CHST9: variants seen among roughly 807,000 people sequenced by gnomAD.
The protein encoded by CHST9 is carbohydrate sulfotransferase 9.
In CHST9, 41 loss-of-function variants were observed where a neutral mutation model predicts 44.4. The ratio of observed to expected loss-of-function variants is 0.92; its 90% CI spans 0.72 to 1.20. The LOEUF is 1.20. Among genes scored for constraint, CHST9 ranks in the 50% most tolerant of loss-of-function variants. The pLI is 0.00. For missense variants in CHST9, 504 were observed against 516.5 expected, an observed-to-expected ratio of 0.98 and a Z score of 0.23; for synonymous variants, 171 against 178.4, an observed-to-expected ratio of 0.96 and a Z score of 0.33.
At chr18:27,026,394 T>C (rs898054337) in intron 3 of CHST9, among the ~76,000 whole-genome samples, 1 of 152,164 alleles carries the variant, frequency 6.6e-6, no homozygotes, top group African/African-American at 2.4e-5. Context: ...TGCATATATA[T>C]TGAATTAACC....
chr18:26,968,273 A>G (rs1196326423), intron 4 of CHST9, among the ~76,000 whole-genome samples: 1 of 152,156 alleles, frequency 6.6e-6, no homozygotes. Flanking sequence ...AAGATATATT[A>G]TATAAGTAAT....
chr18:26,918,442 G>A (rs908538719), intron 5 of CHST9, among the ~76,000 whole-genome samples: 5 of 151,988 alleles, frequency 3.3e-5, no homozygotes, highest in Non-Finnish European at 7.4e-5. Flanking sequence ...GAGTGGTGGG[G>A]AAAGTTTCCT....
At chr18:26,940,719 C>T (rs968051592) in intron 5 of CHST9, among the ~76,000 whole-genome samples, 2 of 152,094 alleles carry the variant, frequency 1.3e-5, no homozygotes, top group South Asian at 2.1e-4. Context: ...CTGAGGTTTC[C>T]GGCTTGTTAT....
At chr18:27,065,582 T>C (rs1051159539) in intron 2 of CHST9, among the ~76,000 whole-genome samples, 1 of 114,608 alleles carries the variant, frequency 8.7e-6, no homozygotes, top group African/African-American at 3.5e-5. Context: ...AGTCGTTCAC[T>C]GCTTTTTTTT....
intron 2 of CHST9, among the ~76,000 whole-genome samples, chr18:27,058,958 A>AT (rs917816432): frequency 4.0e-5 from 6 of 151,892 alleles, no homozygotes; most frequent in East Asian, 1.9e-4. Context: ...ATATATTGAT[A>AT]TTTTTTTTCC....
intron 4 of CHST9, among the ~76,000 whole-genome samples, chr18:27,019,985 C>T (rs1230194783): frequency 1.3e-5 from 2 of 151,968 alleles, no homozygotes; most frequent in Admixed American, 6.6e-5. Flanking sequence ...AGATGCTTGT[C>T]TTTGCATTTG....
chr18:27,125,388 G>T (rs1598741558), intron 2 of CHST9, among the ~76,000 whole-genome samples: 1 of 152,084 alleles, frequency 6.6e-6, no homozygotes, highest in African/African-American at 2.4e-5. Context: ...AAACATTCTG[G>T]AATTCTACAT....
intron 5 of CHST9, among the ~76,000 whole-genome samples, chr18:26,926,595 TAAATC>T (rs1235806450): frequency 3.9e-5 from 6 of 152,188 alleles, no homozygotes. Flanking sequence ...TACAGATAAA[TAAATC>T]AAGACAGACT....
At chr18:26,951,971 G>C (rs1044834047) in intron 4 of CHST9, among the ~76,000 whole-genome samples, 4 of 152,172 alleles carry the variant, frequency 2.6e-5, no homozygotes, top group African/African-American at 9.6e-5. Context: ...CTGGAGCTGT[G>C]CTACTTTGAG....
chr18:27,060,111 T>A (rs2057703982), intron 2 of CHST9, among the ~76,000 whole-genome samples: 3 of 152,192 alleles, frequency 2.0e-5, no homozygotes, highest in Admixed American at 2.0e-4. Context: ...CCAGAGCACA[T>A]CTTGTTGAGT....
At chr18:27,133,330 T>C (rs1364962685) in intron 2 of CHST9, among the ~76,000 whole-genome samples, 5 of 152,206 alleles carry the variant, frequency 3.3e-5, no homozygotes, top group Non-Finnish European at 7.3e-5. Flanking sequence ...GGCTGCTGCA[T>C]GTTATTCAGG....
At chr18:26,996,179 G>A (rs188742376) in intron 4 of CHST9, among the ~76,000 whole-genome samples, 119 of 152,246 alleles carry the variant, frequency 7.8e-4, no homozygotes, top group African/African-American at 2.4e-3. Context: ...AGGGTAGTCC[G>A]TCATGCACCA....
rs944076994 is a variant in CHST9 at position 26,910,972 on chromosome 18, A to AGCAACT, written c.*5281_*5286dup. On this transcript the variant is annotated 3_prime_UTR_variant, in exon 6 of 6. Transcript: ENST00000618847. ...CAAAATTTTCTTCCCCAAACAATCA[A>AGCAACT]GCAACTGCTATTTCTTAGAAATGTA... 6.6e-6 allele frequency: 1 copy of AGCAACT among 152,208 alleles called. No homozygotes were observed. Among genetic ancestry groups the AGCAACT allele is most frequent in the African/African-American group, 2.4e-5 (1 of 41,456 alleles). The allele number at this position is 152,208 out of a possible 1,614,324, so 9.4% of individuals were successfully genotyped here. A position where few individuals can be genotyped will look rare whatever the true frequency, so the allele number is the denominator to read the frequency against.
At chr18:27,109,624 C>T (rs771543331) in intron 2 of CHST9, among the ~76,000 whole-genome samples, 2 of 152,162 alleles carry the variant, frequency 1.3e-5, no homozygotes, top group Non-Finnish European at 2.9e-5. Flanking sequence ...GGGCCATGCG[C>T]GCACTGACTG....
At position 27,095,610 on chromosome 18, in the gene CHST9, C is replaced by T. The variant is rs546036795; in HGVS notation, c.121+47079G>A. Among the ~76,000 whole-genome samples the T allele has an allele frequency of 1.3e-5, 2 of 151,914 alleles. 1 individual carries two copies. The highest frequency in any genetic ancestry group is 4.8e-5 in the African/African-American group (2 of 41,472). On this transcript the variant is annotated intron_variant, in intron 2 of 5. Coordinates refer to ENST00000618847, the MANE Select transcript of CHST9 (RefSeq NM_031422.6). ...GTTGTAGAAAGATCTACCATGGAAA[C>T]GGAAAACAAAAAGAGCAGAGATTGC... is the stretch of plus-strand genomic sequence containing the variant.
chr18:27,107,250 A>AACAGGAG (rs2058229704), intron 2 of CHST9, among the ~76,000 whole-genome samples: 1 of 152,186 alleles, frequency 6.6e-6, no homozygotes, highest in African/African-American at 2.4e-5. Context: ...GAGTTACTGA[A>AACAGGAG]GTTTCCGCCA....
chr18:26,937,555 G>A (rs1353185200), intron 5 of CHST9, among the ~76,000 whole-genome samples: 1 of 152,148 alleles, frequency 6.6e-6, no homozygotes, highest in African/African-American at 2.4e-5. Context: ...TCAGCGGAGT[G>A]CCATTAAGGA....
At chr18:27,025,944 GT>G (rs1006379241) in intron 3 of CHST9, among the ~76,000 whole-genome samples, 5 of 152,154 alleles carry the variant, frequency 3.3e-5, no homozygotes, top group Admixed American at 3.3e-4. Context: ...TTAAATTGGT[GT>G]GGAAAAACTG....
intron 1 of CHST9, among the ~76,000 whole-genome samples, chr18:27,182,137 CA>C (rs1325865647): frequency 1.3e-5 from 1 of 78,040 alleles, no homozygotes; most frequent in Non-Finnish European, 3.0e-5. Flanking sequence ...TTCTCATTAA[CA>C]TGAATAATTC....
Sources: gnomAD v4.1 joint callset for allele counts (sites outside exome capture counted in the v4.1 genomes callset) on GRCh38, gnomAD v4.1.1 for gene constraint, MANE v1.5 for transcripts, NCBI Gene and HGNC (gene_info 2026-07-23, HGNC 2026-07-21) for gene names.